AKAP9: variants seen among roughly 807,000 people sequenced by gnomAD.
AKAP9 encodes the protein A-kinase anchor protein 9.
A neutral mutation model predicts 488.5 loss-of-function variants in AKAP9; 311 were observed. The ratio of observed to expected loss-of-function variants is 0.64; its 90% CI spans 0.58 to 0.70. The LOEUF is 0.70. Ranked by LOEUF, AKAP9 falls within the 30% of genes least tolerant of loss-of-function variation. The pLI is 0.00. For synonymous variants in AKAP9, 1,462 were observed against 1,483.5 expected, an observed-to-expected ratio of 0.99 and a Z score of 0.33; for missense variants, 4,215 against 4,374.5, an observed-to-expected ratio of 0.96 and a Z score of 1.03.
intron 10 of AKAP9, among the ~76,000 whole-genome samples, chr7:92,015,877 A>C (rs1801442517): frequency 6.6e-6 from 1 of 152,190 alleles, no homozygotes. Flanking sequence ...TTTTATTATT[A>C]TAAGGAAGCA....
intron 1 of AKAP9, among the ~76,000 whole-genome samples, chr7:91,971,876 A>G (rs993992810): frequency 1.0e-4 from 15 of 146,704 alleles, no homozygotes; most frequent in African/African-American, 1.8e-4. Context: ...GCCTACATCT[A>G]TTTCTTAAAG....
chr7:91,956,420 A>T (rs1793018732), intron 1 of AKAP9, among the ~76,000 whole-genome samples: 1 of 145,714 alleles, frequency 6.9e-6, no homozygotes, highest in Non-Finnish European at 1.5e-5. Flanking sequence ...AAAAAAAAAA[A>T]GTAGAGATGG....
At chr7:92,035,183 TA>T (rs1260367864) in intron 16 of AKAP9, among the ~76,000 whole-genome samples, 2 of 152,238 alleles carry the variant, frequency 1.3e-5, no homozygotes, top group African/African-American at 4.8e-5. Flanking sequence ...TCAATCCAAA[TA>T]TATTATTTCC....
At chr7:92,065,876 C>T (rs1306740169) in intron 25 of AKAP9, among the ~76,000 whole-genome samples, 1 of 152,132 alleles carries the variant, frequency 6.6e-6, no homozygotes, top group Non-Finnish European at 1.5e-5. Context: ...GAACAGTGGT[C>T]ATGCTGCCAT....
rs367793038 is a variant in AKAP9 at position 92,083,190 on chromosome 7, A to T, written c.8181A>T (p.Thr2727=). Residue 2727 remains threonine, a synonymous_variant, in exon 33 of 50, where the codon ACA becomes ACT. Coordinates refer to ENST00000356239, the MANE Select transcript of AKAP9 (RefSeq NM_005751.5). The part of the protein sequence containing the change: ...EELLVKETNM[T]SLQKDLSQVR... ...TTTAGGTAAAAGAAACAAATATGAC[A>T]TCTCTTCAGAAAGACTTAAGCCAAG... is the stretch of plus-strand genomic sequence containing the variant. 1.4e-5 allele frequency: 22 copies of T among 1,613,892 alleles called. No homozygotes were observed. Among genetic ancestry groups the T allele is most frequent in the Non-Finnish European group, 1.8e-5 (21 of 1,179,968 alleles).
intron 2 of AKAP9, among the ~76,000 whole-genome samples, chr7:91,974,398 A>G (rs577369098): frequency 6.6e-6 from 1 of 152,330 alleles, no homozygotes; most frequent in Non-Finnish European, 1.5e-5. Flanking sequence ...TCTTTTCCCA[A>G]TGAACTGTCA....
intron 36 of AKAP9, 89 bp from the exon 37 acceptor site, chr7:92,086,139 A>C: frequency 9.0e-7 from 1 of 1,115,066 alleles, no homozygotes; most frequent in Non-Finnish European, 1.3e-6. Flanking sequence ...CTAGGCTTTT[A>C]ATTATTTTTC....
Position 92,096,760 on chromosome 7 carries a change from A to G in AKAP9, c.9801A>G (p.Lys3267=), listed in dbSNP as rs1379473595. Residue 3267 remains lysine, a synonymous_variant, in exon 41 of 50, where the codon AAA becomes AAG. Coordinates refer to ENST00000356239, the MANE Select transcript of AKAP9 (RefSeq NM_005751.5). ...TAAATCTACTTTTGGAACAACAGAA[A>G]CAACTACTGAACGAATCCCAGCAAA... ...LQLNLLLEQQ[K]QLLNESQQKI... The G allele has an allele frequency of 6.2e-7, 1 of 1,614,220 alleles. No homozygotes were observed. Among genetic ancestry groups the G allele is most frequent in the Non-Finnish European group, 8.5e-7 (1 of 1,180,030 alleles).
At chr7:91,995,498 C>T in intron 6 of AKAP9, 105 bp from the exon 7 acceptor site, 1 of 974,636 alleles carries the variant, frequency 1.0e-6, no homozygotes, top group East Asian at 2.6e-5. Flanking sequence ...GGGTCTCAAG[C>T]CTGCAGAGTT....
chr7:91,971,133 G>A (rs1795022477), intron 1 of AKAP9, among the ~76,000 whole-genome samples: 1 of 152,038 alleles, frequency 6.6e-6, no homozygotes, highest in Non-Finnish European at 1.5e-5. Context: ...TTGATATTTC[G>A]AGGTAATTTT....
At chr7:92,102,503 CACT>C (rs966861028) in intron 45 of AKAP9, 88 bp from the exon 46 acceptor site, 17 of 947,722 alleles carry the variant, frequency 1.8e-5, no homozygotes, top group Middle Eastern at 2.9e-4. Flanking sequence ...CCACCACCAC[CACT>C]ACTTGTTAAA....
chr7:91,945,710 T>G (rs919499449), intron 1 of AKAP9, among the ~76,000 whole-genome samples: 1 of 152,208 alleles, frequency 6.6e-6, no homozygotes, highest in Non-Finnish European at 1.5e-5. Flanking sequence ...TTTTCAGAGC[T>G]GGGCTAGCTC....
intron 1 of AKAP9, among the ~76,000 whole-genome samples, chr7:91,967,126 G>T (rs1336678418): frequency 1.3e-5 from 2 of 152,060 alleles, no homozygotes; most frequent in Non-Finnish European, 2.9e-5. Context: ...ATTGTTTGCT[G>T]TTGGTATATA....
intron 38 of AKAP9, chr7:92,092,517 TTA>T (rs900385085): frequency 1.3e-5 from 2 of 152,248 alleles, no homozygotes; most frequent in African/African-American, 4.8e-5. Context: ...GTTTTTTTTT[TTA>T]ATTTTAAGTC....
chr7:91,978,328 C>G (rs1277397024), intron 2 of AKAP9, among the ~76,000 whole-genome samples: 1 of 150,278 alleles, frequency 6.7e-6, no homozygotes, highest in Non-Finnish European at 1.5e-5. Context: ...TATTTTTGTT[C>G]TTGGCCTCAG....
chr7:92,093,015 A>T (rs1438287517), intron 38 of AKAP9, 82 bp from the exon 39 acceptor site: 2 of 1,231,374 alleles, frequency 1.6e-6, no homozygotes, highest in African/African-American at 1.5e-5. Flanking sequence ...CTTAACTACA[A>T]ATCAGTTCTT....
At chr7:91,954,074 T>A (rs964414326) in intron 1 of AKAP9, among the ~76,000 whole-genome samples, 1 of 152,072 alleles carries the variant, frequency 6.6e-6, no homozygotes, top group Non-Finnish European at 1.5e-5. Context: ...CAGAGGAAGG[T>A]CAGTGTATAG....
intron 14 of AKAP9, among the ~76,000 whole-genome samples, chr7:92,027,374 G>A (rs1803435982): frequency 1.4e-5 from 2 of 146,490 alleles, no homozygotes; most frequent in Non-Finnish European, 3.0e-5. Flanking sequence ...TCTGGGATGT[G>A]AGGAGCGCCT....
chr7:92,066,948 G>A (rs1371785733), intron 26 of AKAP9, among the ~76,000 whole-genome samples: 1 of 152,070 alleles, frequency 6.6e-6, no homozygotes, highest in Admixed American at 6.6e-5. Flanking sequence ...AATTGTTCTT[G>A]TGAAGGTGAC....
Sources: gnomAD v4.1 joint callset for allele counts (sites outside exome capture counted in the v4.1 genomes callset) on GRCh38, gnomAD v4.1.1 for gene constraint, MANE v1.5 for transcripts, NCBI Gene and HGNC (gene_info 2026-07-23, HGNC 2026-07-21) for gene names.